DDX59: variants seen among roughly 807,000 people sequenced by gnomAD.
DDX59 encodes the protein DEAD-box helicase 59.
Under a neutral mutation model 51.9 loss-of-function variants are expected in DDX59, and 30 were observed. That is an observed-to-expected ratio of 0.58 (90% CI 0.43 to 0.78). The LOEUF is 0.78. Among genes scored for constraint, DDX59 ranks in the 30% least tolerant of loss-of-function variants. The pLI is 0.00. For missense variants in DDX59, 672 were observed against 730.8 expected, an observed-to-expected ratio of 0.92 and a Z score of 0.93; for synonymous variants, 255 against 253.3, an observed-to-expected ratio of 1.01 and a Z score of -0.06.
At chr1:200,655,633 T>C (rs1661971708) in intron 4 of DDX59, among the ~76,000 whole-genome samples, 1 of 152,234 alleles carries the variant, frequency 6.6e-6, no homozygotes, top group Admixed American at 6.5e-5. Flanking sequence ...ACTTGGACTT[T>C]CTGACTCTGC....
intron 4 of DDX59, among the ~76,000 whole-genome samples, chr1:200,655,258 CCTT>C (rs1304428211): frequency 1.3e-5 from 2 of 152,070 alleles, no homozygotes; most frequent in South Asian, 2.1e-4. Context: ...ACCTCTCTTG[CCTT>C]CTTCTTCCTC....
rs772659426 is a variant in DDX59, at chr1:200,644,378, G to A, written c.1736C>T (p.Pro579Leu). Reference protein sequence around the residue: ...SILPPQLLNSPYLHDQKRKEQ... With the variant: ...SILPPQLLNSLYLHDQKRKEQ... ...CTTTCTCTTCTGGTCATGAAGGTAT[G>A]GGGAATTTAATAACTGAGGGGGAAG... The change falls in exon 8 of 8, where the codon CCA becomes CTA. Residue 579 changes from proline to leucine, a missense_variant. By Grantham distance (98) the Pro-to-Leu change is moderately conservative (BLOSUM62 -3). Coordinates refer to ENST00000331314, the MANE Select transcript of DDX59 (RefSeq NM_001031725.6). 3 of 1,613,824 alleles carry A rather than the reference G, an allele frequency of 1.9e-6. No homozygotes were observed. Among genetic ancestry groups the A allele is most frequent in the Admixed American group, 1.7e-5 (1 of 59,956 alleles).
At chr1:200,647,911 T>C (rs994153362) in intron 7 of DDX59, among the ~76,000 whole-genome samples, 1 of 150,606 alleles carries the variant, frequency 6.6e-6, no homozygotes, top group African/African-American at 2.4e-5. Flanking sequence ...GAGGCGCAGG[T>C]TGCAGTGAGC....
At chr1:200,643,970 G>T, downstream of DDX59, 1 of 290,984 alleles carries the variant, frequency 3.4e-6, no homozygotes, top group Non-Finnish European at 5.1e-6. Context: ...CAGAGTCTTT[G>T]TGGAGGTTTC....
intron 4 of DDX59, among the ~76,000 whole-genome samples, chr1:200,651,933 G>A (rs1425570298): frequency 1.3e-5 from 2 of 150,036 alleles, no homozygotes; most frequent in Non-Finnish European, 3.0e-5. Context: ...GCGTGAACCC[G>A]AGAGGCGGAG....
Position 200,645,865 on chromosome 1 carries a change from A to G in DDX59, c.1597-1348T>C, listed in dbSNP as rs573281686. ...GCCTCTAGGGAATGAGACAGAGGAG[A>G]AGAGAGGCAAGCAAATATTGTTTTT... On this transcript the variant is annotated intron_variant, in intron 7 of 7. Transcript: ENST00000331314. 3.9e-5 allele frequency among the ~76,000 whole-genome samples: 6 copies of G among 152,336 alleles called. No homozygotes were observed. The South Asian group carries it at 1.2e-3, about 32-fold the overall frequency.
At chr1:200,644,930 A>G (rs1274556654) in intron 7 of DDX59, among the ~76,000 whole-genome samples, 1 of 151,500 alleles carries the variant, frequency 6.6e-6, no homozygotes, top group African/African-American at 2.4e-5. Flanking sequence ...AGCTTTACTA[A>G]GATTAACCTT....
At chr1:200,655,423 G>A (rs879660898) in intron 4 of DDX59, among the ~76,000 whole-genome samples, 3 of 152,046 alleles carry the variant, frequency 2.0e-5, no homozygotes, top group Non-Finnish European at 2.9e-5. Flanking sequence ...CCTGTATCAC[G>A]CAGCAGGGTA....
chr1:200,650,914 T>G (rs1367538507), intron 4 of DDX59, among the ~76,000 whole-genome samples: 1 of 152,194 alleles, frequency 6.6e-6, no homozygotes, highest in African/African-American at 2.4e-5. Flanking sequence ...AGCAAAAAGC[T>G]ATATACATTC....
At chr1:200,649,358 G>A (rs777417753) in intron 5 of DDX59, 132 bp from the exon 6 acceptor site, 18 of 879,102 alleles carry the variant, frequency 2.0e-5, no homozygotes, top group Admixed American at 6.8e-5. Flanking sequence ...GCTGGGCGCG[G>A]TGGCTCACAC....
intron 4 of DDX59, among the ~76,000 whole-genome samples, chr1:200,658,466 A>G (rs1662172372): frequency 6.6e-6 from 1 of 152,184 alleles, no homozygotes; most frequent in South Asian, 2.1e-4. Context: ...AGGCCAAGGC[A>G]GGAGGATCCC....
chr1:200,644,419 C>T lies in DDX59; in HGVS notation c.1695G>A (p.Lys565=), dbSNP rs1411696912. The T allele has an allele frequency of 6.2e-7, 1 of 1,613,528 alleles. No homozygotes were observed. Among genetic ancestry groups the T allele is most frequent in the African/African-American group, 1.3e-5 (1 of 74,882 alleles). ...GAGGGGGAAGAATGGATCCTGTGGG[C>T]TTTACTCGTTTTGCAATATCCCAGA... ...RLFWDIAKRV[K]PTGSILPPQL... is the part of the protein sequence containing the mutation. The change falls in exon 8 of 8, where the codon AAG becomes AAA. Residue 565 remains lysine (K), a synonymous_variant. Coordinates refer to ENST00000331314, the MANE Select transcript of DDX59 (RefSeq NM_001031725.6).
chr1:200,660,661 T>C (rs1312910901), intron 3 of DDX59, among the ~76,000 whole-genome samples: 1 of 152,154 alleles, frequency 6.6e-6, no homozygotes, highest in African/African-American at 2.4e-5. Context: ...TTGCATTGAA[T>C]TGGAATTGGA....
chr1:200,664,119 C>T, intron 2 of DDX59, 33 bp from the exon 3 acceptor site: 1 of 1,596,166 alleles, frequency 6.3e-7, no homozygotes. Context: ...TTTAAAAACA[C>T]CAGCAATTAA....
chr1:200,666,488 G>A lies in DDX59; in HGVS notation c.253C>T (p.His85Tyr), dbSNP rs767460769. ...GACTTAACGGGCTCTTCAGAAGGAT[G>A]GCTGTCCTTCGCACCCTGCTCGGGA... ...VSPEQGAKDS[H>Y]PSEEPVKSFS... The change falls in exon 2 of 8, where the codon CAT becomes TAT. Residue 85 changes from histidine (H) to tyrosine (Y), a missense_variant. Transcript: ENST00000331314. 1.9e-6 allele frequency: 3 copies of A among 1,614,162 alleles called. No individual in the cohort carries two copies. The South Asian group carries it at 3.3e-5, about 18-fold the overall frequency.
At chr1:200,653,245 T>C (rs907909410) in intron 4 of DDX59, among the ~76,000 whole-genome samples, 5 of 152,264 alleles carry the variant, frequency 3.3e-5, no homozygotes, top group Admixed American at 6.5e-5. Flanking sequence ...ACTTAACATC[T>C]CCACTTGGTT....
chr1:200,643,417 G>A (rs1206520642), downstream of DDX59, among the ~76,000 whole-genome samples: 2 of 152,196 alleles, frequency 1.3e-5, 1 homozygote, highest in Admixed American at 1.3e-4. Context: ...GCCGAGGCAG[G>A]CGGATCACAA....
intron 2 of DDX59, among the ~76,000 whole-genome samples, chr1:200,665,491 G>GAAAAAAAAAAAAA (rs1662666035): frequency 6.7e-6 from 1 of 148,260 alleles, no homozygotes; most frequent in African/African-American, 2.5e-5. Flanking sequence ...CCCAAAAAAA[G>GAAAAAAAAAAAAA]AAAAAGAAAA....
At chr1:200,645,279 T>A (rs919552651) in intron 7 of DDX59, among the ~76,000 whole-genome samples, 3 of 152,098 alleles carry the variant, frequency 2.0e-5, no homozygotes, top group African/African-American at 7.2e-5. Flanking sequence ...TGCATAAAGT[T>A]ATTTGTCTTT....
Sources: allele counts gnomAD v4.1 joint callset (sites outside exome capture counted in the v4.1 genomes callset), GRCh38; gene constraint gnomAD v4.1.1; transcripts MANE v1.5; gene names NCBI Gene and HGNC (gene_info 2026-07-23, HGNC 2026-07-21).